TRIM44: variants seen among roughly 807,000 people sequenced by gnomAD.
TRIM44 encodes the protein tripartite motif-containing protein 44.
Under a neutral mutation model 37.4 loss-of-function variants are expected in TRIM44, and 13 were observed. That is an observed-to-expected ratio of 0.35 (90% CI 0.23 to 0.55). TRIM44 has a LOEUF of 0.55. TRIM44 is among the 20% of genes least tolerant of loss of function. The pLI is 0.89. For missense variants in TRIM44, 426 were observed against 437.2 expected (o/e 0.97, Z 0.23); for synonymous variants, 175 against 157.2 (o/e 1.11, Z -0.85).
rs1026831620 is a variant in TRIM44, at chr11:35,814,460, C to T, written c.*8075C>T. ...GTAATGCCAATACTAAGCCCTGGAA[C>T]GAAGATAGGATTCATTTCTCATGGA... On this transcript the variant is annotated 3_prime_UTR_variant, in exon 5 of 5. Coordinates refer to ENST00000299413, the MANE Select transcript of TRIM44 (RefSeq NM_017583.6). 3.9e-5 allele frequency: 6 copies of T among 152,094 alleles called. No homozygotes were observed. Among genetic ancestry groups the T allele is most frequent in the Non-Finnish European group, 5.9e-5 (4 of 68,024 alleles). The allele number at this position is 152,094 out of a possible 1,614,324, so 9.4% of individuals were successfully genotyped here. A position where few individuals can be genotyped will look rare whatever the true frequency, so the allele number is the denominator to read the frequency against.
At chr11:35,735,400 A>T (rs1852315619) in intron 3 of TRIM44, 26 bp from the exon 4 acceptor site, 1 of 1,613,052 alleles carries the variant, frequency 6.2e-7, no homozygotes, top group Non-Finnish European at 8.5e-7. Flanking sequence ...GATTTCTAAT[A>T]CTGTTTCTTT....
At chr11:35,722,292 C>T (rs930383102) in intron 2 of TRIM44, among the ~76,000 whole-genome samples, 1 of 152,186 alleles carries the variant, frequency 6.6e-6, no homozygotes, top group African/African-American at 2.4e-5. Context: ...CTCCTTAACA[C>T]CTTGCAGGAA....
intron 4 of TRIM44, among the ~76,000 whole-genome samples, chr11:35,762,005 T>A (rs1452042055): frequency 6.6e-6 from 1 of 152,158 alleles, no homozygotes; most frequent in African/African-American, 2.4e-5. Context: ...TTCCCTTTCC[T>A]TGGGAGGTGA....
chr11:35,695,119 A>G (rs1399413317), intron 2 of TRIM44, among the ~76,000 whole-genome samples: 2 of 152,106 alleles, frequency 1.3e-5, no homozygotes, highest in African/African-American at 4.8e-5. Context: ...TTGTTTATAA[A>G]CTATTTTAGC....
chr11:35,719,661 A>G (rs192390883), intron 2 of TRIM44, among the ~76,000 whole-genome samples: 52 of 152,232 alleles, frequency 3.4e-4, no homozygotes, highest in Non-Finnish European at 5.6e-4. Flanking sequence ...TTATCTTCTA[A>G]GAGTTTTATA....
At chr11:35,732,991 C>T (rs912814459) in intron 3 of TRIM44, among the ~76,000 whole-genome samples, 1 of 152,184 alleles carries the variant, frequency 6.6e-6, no homozygotes, top group Non-Finnish European at 1.5e-5. Flanking sequence ...CTTCCCCGCT[C>T]TCCCCTAGAA....
intron 4 of TRIM44, among the ~76,000 whole-genome samples, chr11:35,797,425 T>C (rs1488096008): frequency 6.6e-6 from 1 of 152,194 alleles, no homozygotes; most frequent in Non-Finnish European, 1.5e-5. Context: ...TCTTTAAGTA[T>C]AGGTGGCTCG....
At chr11:35,679,510 T>C (rs1372504244) in intron 1 of TRIM44, among the ~76,000 whole-genome samples, 1 of 152,158 alleles carries the variant, frequency 6.6e-6, no homozygotes, top group Non-Finnish European at 1.5e-5. Context: ...GGATAGCAAC[T>C]TCAGATATCT....
At chr11:35,716,486 G>A (rs1852040868) in intron 2 of TRIM44, among the ~76,000 whole-genome samples, 1 of 152,136 alleles carries the variant, frequency 6.6e-6, no homozygotes, top group Non-Finnish European at 1.5e-5. Context: ...AATAAAAGAA[G>A]GGGATTTTCA....
intron 2 of TRIM44, among the ~76,000 whole-genome samples, chr11:35,687,608 A>T (rs1341552792): frequency 6.6e-6 from 1 of 152,184 alleles, no homozygotes; most frequent in Non-Finnish European, 1.5e-5. Flanking sequence ...TACAAATCAC[A>T]CTGAGTGTTC....
Position 35,808,675 on chromosome 11 carries a change from G to A in TRIM44, c.*2290G>A, listed in dbSNP as rs533828842. On this transcript the variant is annotated 3_prime_UTR_variant, in exon 5 of 5. Transcript: ENST00000299413. ...GCACTTTTGCTTTTACTTAGAAAGCGTTTCAGATTTGCTTTATAGACTCCT... is the reference window on the plus strand; with the variant it reads ...GCACTTTTGCTTTTACTTAGAAAGCATTTCAGATTTGCTTTATAGACTCCT... The A allele has an allele frequency of 1.7e-4, 26 of 152,276 alleles. No individual in the cohort carries two copies. The highest frequency in any genetic ancestry group is 4.8e-4 in the African/African-American group (20 of 41,576). The allele number at this position is 152,276 out of a possible 1,614,324, so 9.4% of individuals were successfully genotyped here. A position where few individuals can be genotyped will look rare whatever the true frequency, so the allele number is the denominator to read the frequency against.
At chr11:35,766,499 C>T (rs1160343829) in intron 4 of TRIM44, among the ~76,000 whole-genome samples, 4 of 152,158 alleles carry the variant, frequency 2.6e-5, no homozygotes, top group South Asian at 2.1e-4. Flanking sequence ...ATTTTCTTAA[C>T]GAAAGTTTTT....
At chr11:35,751,162 T>C (rs1852554984) in intron 4 of TRIM44, among the ~76,000 whole-genome samples, 1 of 152,204 alleles carries the variant, frequency 6.6e-6, no homozygotes, top group African/African-American at 2.4e-5. Flanking sequence ...GGAATATTAC[T>C]AAATATAAAG....
chr11:35,725,058 GCACACACTCACACA>G (rs1852155083), intron 2 of TRIM44, among the ~76,000 whole-genome samples: 1 of 107,304 alleles, frequency 9.3e-6, no homozygotes, highest in African/African-American at 4.8e-5. Context: ...TAGGAGACAT[GCACACACTCACACA>G]CACACACACA....
chr11:35,672,228 C>T (rs1399947103), intron 1 of TRIM44, among the ~76,000 whole-genome samples: 3 of 152,192 alleles, frequency 2.0e-5, no homozygotes, highest in African/African-American at 7.2e-5. Context: ...TTTATACACA[C>T]AGCCACCCAC....
At chr11:35,746,109 A>G (rs1161618089) in intron 4 of TRIM44, among the ~76,000 whole-genome samples, 1 of 152,218 alleles carries the variant, frequency 6.6e-6, no homozygotes, top group Non-Finnish European at 1.5e-5. Context: ...AAGGAATGCC[A>G]CATTGGTCCC....
chr11:35,748,289 TA>T, intron 4 of TRIM44, among the ~76,000 whole-genome samples: 1 of 152,214 alleles, frequency 6.6e-6, no homozygotes, highest in East Asian at 1.9e-4. Flanking sequence ...TTGGGTCGAA[TA>T]GGGGAAAGTG....
At chr11:35,665,935 A>G (rs906874713) in intron 1 of TRIM44, among the ~76,000 whole-genome samples, 1 of 151,880 alleles carries the variant, frequency 6.6e-6, no homozygotes, top group Admixed American at 6.6e-5. Flanking sequence ...TGTGGGTTGC[A>G]AATATCTTCT....
At chr11:35,702,277 G>T (rs1171698408) in intron 2 of TRIM44, among the ~76,000 whole-genome samples, 1 of 152,158 alleles carries the variant, frequency 6.6e-6, no homozygotes, top group African/African-American at 2.4e-5. Context: ...TGCACATTCA[G>T]AATCACTCGC....
Sources: gnomAD v4.1 joint callset for allele counts (sites outside exome capture counted in the v4.1 genomes callset) on GRCh38, gnomAD v4.1.1 for gene constraint, MANE v1.5 for transcripts, NCBI Gene and HGNC (gene_info 2026-07-23, HGNC 2026-07-21) for gene names.